The following DSCAM variants were observed in gnomAD, a reference collection of about 807,000 sequenced individuals.
DSCAM encodes cell adhesion molecule DSCAM.
Under a neutral mutation model 217.7 loss-of-function variants are expected in DSCAM, and 47 were observed. That is an observed-to-expected ratio of 0.22 (90% confidence interval 0.17 to 0.28). DSCAM has a LOEUF of 0.28. Ranked by LOEUF, DSCAM falls within the 10% of genes least tolerant of loss-of-function variation. The pLI is 1.00. For missense variants in DSCAM, 2,080 were observed against 2,618.3 expected (o/e 0.79, Z 4.49); for synonymous variants, 1,056 against 1,015.3 (o/e 1.04, Z -0.76).
Position 40,339,023 on chromosome 21 carries a change from C to G in DSCAM, c.1507+96G>C, listed in dbSNP as rs570532624. On this transcript the variant is annotated intron_variant, in intron 7 of 32. Transcript: ENST00000400454. ...AATGGGAAGCAACAGTTAATCCGCTCTGGCATTCCAAGACCCAGCTCGGTG... is the reference window on the plus strand; with the variant it reads ...AATGGGAAGCAACAGTTAATCCGCTGTGGCATTCCAAGACCCAGCTCGGTG... 9.6e-6 allele frequency: 14 copies of G among 1,461,376 alleles called. 1 individual carries two copies. The South Asian group carries it at 1.7e-4, about 18-fold the overall frequency. The allele number at this position is 1,461,376 out of a possible 1,614,324, so 90.5% of individuals were successfully genotyped here.
At chr21:40,742,736 T>C (rs1460349743) in intron 1 of DSCAM, among the ~76,000 whole-genome samples, 2 of 152,166 alleles carry the variant, frequency 1.3e-5, no homozygotes, top group Non-Finnish European at 2.9e-5. Flanking sequence ...TTTGAATGGA[T>C]TACGTCCTAT....
intron 1 of DSCAM, among the ~76,000 whole-genome samples, chr21:40,766,867 G>T (rs901235396): frequency 6.6e-6 from 1 of 151,866 alleles, no homozygotes; most frequent in African/African-American, 2.4e-5. Flanking sequence ...TATATTTTTA[G>T]TAAAGACGGG....
chr21:40,097,294 T>C (rs1224185580), intron 20 of DSCAM, among the ~76,000 whole-genome samples: 2 of 152,206 alleles, frequency 1.3e-5, no homozygotes, highest in African/African-American at 4.8e-5. Flanking sequence ...TTTCTTATAC[T>C]ATATGCAAAG....
chr21:40,040,508 C>T (rs935705436), intron 32 of DSCAM, among the ~76,000 whole-genome samples: 1 of 152,132 alleles, frequency 6.6e-6, no homozygotes, highest in South Asian at 2.1e-4. Context: ...CAGGTGGAAA[C>T]ATAAAGTACT....
chr21:40,335,713 A>C (rs1420050746), intron 8 of DSCAM, among the ~76,000 whole-genome samples: 1 of 152,188 alleles, frequency 6.6e-6, no homozygotes, highest in Non-Finnish European at 1.5e-5. Context: ...AATAAACTAA[A>C]ATTTTAGCAC....
chr21:40,238,415 T>TAA (rs1297461952), intron 11 of DSCAM, among the ~76,000 whole-genome samples: 3 of 152,176 alleles, frequency 2.0e-5, no homozygotes. Flanking sequence ...CTCTGTGTTT[T>TAA]AAAACCAGGG....
chr21:40,401,698 A>G (rs939601228), intron 3 of DSCAM, among the ~76,000 whole-genome samples: 2 of 152,182 alleles, frequency 1.3e-5, no homozygotes, highest in Non-Finnish European at 2.9e-5. Context: ...ATCATATGTT[A>G]CAAAGGATAT....
At chr21:40,276,906 A>ATGGAATATAGCCAT (rs1385260826) in intron 10 of DSCAM, among the ~76,000 whole-genome samples, 2 of 152,184 alleles carry the variant, frequency 1.3e-5, no homozygotes, top group Admixed American at 1.3e-4. Context: ...AGGGAATGGC[A>ATGGAATATAGCCAT]CAGATATGAT....
rs143435101 is a variant in DSCAM at position 40,065,050 on chromosome 21, G to C, written c.4889-2151C>G. ...TAGAGAAGAGAGCCAGGGTTATGTG[G>C]GTAACATTATAATGTGAAGATAGAG... On this transcript the variant is annotated intron_variant, in intron 27 of 32. Transcript: ENST00000400454. Among the ~76,000 whole-genome samples, 1,007 of 152,068 alleles carry C rather than the reference G, an allele frequency of 6.6e-3. 16 individuals carry two copies. Among genetic ancestry groups the C allele is most frequent in the African/African-American group, 0.023 (944 of 41,402 alleles).
intron 20 of DSCAM, among the ~76,000 whole-genome samples, chr21:40,096,082 C>T (rs1280887370): frequency 6.6e-6 from 1 of 152,162 alleles, no homozygotes; most frequent in Non-Finnish European, 1.5e-5. Flanking sequence ...ACCTGCCTCC[C>T]ATTCTATTCA....
At chr21:40,367,917 A>C (rs1341226340) in intron 4 of DSCAM, among the ~76,000 whole-genome samples, 1 of 152,256 alleles carries the variant, frequency 6.6e-6, no homozygotes, top group Admixed American at 6.5e-5. Context: ...TTTTTGAAAC[A>C]TTAGTGAATC....
At chr21:40,666,602 AT>A (rs1210623604) in intron 3 of DSCAM, among the ~76,000 whole-genome samples, 18 of 152,120 alleles carry the variant, frequency 1.2e-4, no homozygotes, top group Non-Finnish European at 2.2e-4. Context: ...AGAGGGAAGG[AT>A]TCCTTTTTAT....
At chr21:40,518,656 GTATA>G (rs1212267375) in intron 3 of DSCAM, among the ~76,000 whole-genome samples, 1 of 131,378 alleles carries the variant, frequency 7.6e-6, no homozygotes, top group Admixed American at 8.3e-5. Flanking sequence ...GTATATATGT[GTATA>G]TATATGTGTA....
intron 3 of DSCAM, among the ~76,000 whole-genome samples, chr21:40,573,780 A>G (rs2076827326): frequency 6.6e-6 from 1 of 152,154 alleles, no homozygotes. Flanking sequence ...AAAAGAATCT[A>G]TATCAGTAAT....
At chr21:40,215,628 G>C (rs1026416357) in intron 11 of DSCAM, among the ~76,000 whole-genome samples, 1 of 152,050 alleles carries the variant, frequency 6.6e-6, no homozygotes, top group East Asian at 1.9e-4. Flanking sequence ...ATTCAGAGTG[G>C]TGTAATGGAC....
At chr21:40,200,622 G>C (rs2091060022) in intron 11 of DSCAM, among the ~76,000 whole-genome samples, 1 of 152,082 alleles carries the variant, frequency 6.6e-6, no homozygotes, top group African/African-American at 2.4e-5. Context: ...TTATTTTTTA[G>C]AGTCTGTAGA....
chr21:40,686,941 G>C (rs774940985), intron 3 of DSCAM, among the ~76,000 whole-genome samples: 11 of 152,206 alleles, frequency 7.2e-5, no homozygotes, highest in Non-Finnish European at 1.5e-4. Flanking sequence ...AAAAGAAAGA[G>C]ACCAGGGCCC....
chr21:40,511,762 C>T (rs1482921478), intron 3 of DSCAM, among the ~76,000 whole-genome samples: 1 of 151,876 alleles, frequency 6.6e-6, no homozygotes, highest in African/African-American at 2.4e-5. Context: ...GAGGCCGAGG[C>T]GGGTGGATCA....
chr21:40,410,431 A>G (rs2075312770), intron 3 of DSCAM, among the ~76,000 whole-genome samples: 1 of 152,154 alleles, frequency 6.6e-6, no homozygotes, highest in African/African-American at 2.4e-5. Flanking sequence ...GACTCCTATC[A>G]GAGGAAAGAA....
Sources: gnomAD v4.1 joint callset for allele counts (sites outside exome capture counted in the v4.1 genomes callset) on GRCh38, gnomAD v4.1.1 for gene constraint, MANE v1.5 for transcripts, NCBI Gene and HGNC (gene_info 2026-07-23, HGNC 2026-07-21) for gene names.